Variants in SUMF1 observed in about 807,000 individuals in gnomAD.
SUMF1 encodes the protein sulfatase modifying factor 1.
Under a neutral mutation model 47.6 loss-of-function variants are expected in SUMF1, and 48 were observed. The ratio of observed to expected loss-of-function variants is 1.01; its 90% CI spans 0.80 to 1.28. The LOEUF (loss-of-function observed/expected upper bound fraction) is 1.28, where lower values mean the gene tolerates loss of function less well. SUMF1 is among the 50% of genes most tolerant of loss of function. The pLI is 0.00. For missense variants in SUMF1, 571 were observed against 485.4 expected (o/e 1.18, Z -1.66); for synonymous variants, 230 against 192.1 (o/e 1.20, Z -1.63).
chr3:4,451,649 A>G (rs2125130409), intron 2 of SUMF1, among the ~76,000 whole-genome samples: 1 of 152,324 alleles, frequency 6.6e-6, no homozygotes, highest in East Asian at 1.9e-4. Context: ...AACCAAAAGG[A>G]AAAGGACTTC....
intron 8 of SUMF1, among the ~76,000 whole-genome samples, chr3:4,156,392 A>G (rs917816108): frequency 4.0e-5 from 6 of 151,542 alleles, no homozygotes; most frequent in African/African-American, 1.2e-4. Flanking sequence ...CGTTATCTAT[A>G]TTTGCTAGAA....
rs575344494 is a variant in SUMF1, at chr3:4,177,929, T to A, written c.1015-109184A>T. ...TATAAACACCTCTACGCAAATAAAC[T>A]AGAAAATCTAGAAGAAATGGATAAA... is the stretch of plus-strand genomic sequence containing the variant. On this transcript the variant is annotated intron_variant and NMD_transcript_variant, in intron 8 of 12. Coordinates refer to the SUMF1 transcript ENST00000448413. Among the ~76,000 whole-genome samples, 57 of 152,174 alleles carry A rather than the reference T, an allele frequency of 3.7e-4. 2 individuals carry two copies. The South Asian group carries it at 0.012, about 31-fold the overall frequency.
intron 8 of SUMF1, among the ~76,000 whole-genome samples, chr3:4,253,292 C>T (rs145865584): frequency 0.046 from 7,016 of 152,276 alleles, 290 homozygotes; most frequent in African/African-American, 0.1. Context: ...CTCCGGTCTA[C>T]AGCTCCCAGC....
chr3:4,077,398 A>G (rs1692462889), intron 8 of SUMF1, among the ~76,000 whole-genome samples: 1 of 152,136 alleles, frequency 6.6e-6, no homozygotes. Context: ...AAAGACTTGG[A>G]ACCAACCCAA....
chr3:4,466,262 C>A (rs1331237106), intron 1 of SUMF1, among the ~76,000 whole-genome samples: 1 of 152,168 alleles, frequency 6.6e-6, no homozygotes, highest in Non-Finnish European at 1.5e-5. Context: ...CAGGCGCCCG[C>A]CACCACGCCC....
chr3:4,312,820 C>T, intron 8 of SUMF1: 4 of 1,498,982 alleles, frequency 2.7e-6, no homozygotes, highest in Non-Finnish European at 3.6e-6. Context: ...TAGAATGGGT[C>T]CCAGTCAGAA....
chr3:4,261,548 G>C (rs538113062), intron 8 of SUMF1, among the ~76,000 whole-genome samples: 1 of 152,192 alleles, frequency 6.6e-6, no homozygotes, highest in African/African-American at 2.4e-5. Flanking sequence ...ATAAGGATCT[G>C]TTATCCCAGG....
At chr3:4,206,333 C>T (rs1388258235) in intron 8 of SUMF1, among the ~76,000 whole-genome samples, 1 of 151,928 alleles carries the variant, frequency 6.6e-6, no homozygotes, top group Non-Finnish European at 1.5e-5. Flanking sequence ...AGAACTTGCT[C>T]AGGAATCACA....
intron 8 of SUMF1, among the ~76,000 whole-genome samples, chr3:4,152,132 C>G (rs1409129209): frequency 6.6e-6 from 1 of 151,496 alleles, no homozygotes; most frequent in Admixed American, 6.6e-5. Context: ...AAGCACTACA[C>G]TGGGGAAGGG....
rs1425367263 is a variant in SUMF1 at position 4,303,182 on chromosome 3, T to C, written c.1014+73148A>G. On this transcript the variant is annotated intron_variant and NMD_transcript_variant, in intron 8 of 12. Coordinates refer to the SUMF1 transcript ENST00000448413. Reference sequence around the variant, plus strand: ...TACATGGTTTTGTAATTATCTGTGGTGCCTCTGGCTGAAATCAAAACGGGA... The same window carrying C: ...TACATGGTTTTGTAATTATCTGTGGCGCCTCTGGCTGAAATCAAAACGGGA... The C allele has an allele frequency of 9.6e-6, 5 of 519,234 alleles. No individual in the cohort carries two copies. In the East Asian group the frequency reaches 1.4e-4, roughly 15 times the overall value. 32.2% of individuals were successfully genotyped at this position (519,234 alleles called of 1,614,324 possible). A position where few individuals can be genotyped will look rare whatever the true frequency, so the allele number is the denominator to read the frequency against.
rs548105915 is a variant in SUMF1 at position 4,370,177 on chromosome 3, T to A, written c.1014+6153A>T. ...GAAAGGCCTCTCTGAGAAGATCACA[T>A]GTGGGCTGAGTTGCCCAAAGATCTG... On this transcript the variant is annotated intron_variant, in intron 8 of 8. Transcript: ENST00000272902. Among the ~76,000 whole-genome samples the A allele has an allele frequency of 1.2e-4, 18 of 152,316 alleles. No homozygotes were observed. In the South Asian group the frequency reaches 3.7e-3, roughly 32 times the overall value.
chr3:4,419,899 T>G (rs6797887), intron 4 of SUMF1, among the ~76,000 whole-genome samples, 165 bp downstream of exon 4: 25 of 152,260 alleles, frequency 1.6e-4, no homozygotes, highest in African/African-American at 6.0e-4. Flanking sequence ...TGTTTGGGTC[T>G]TTACATACGT....
At chr3:4,244,392 G>C (rs576928948) in intron 8 of SUMF1, among the ~76,000 whole-genome samples, 2 of 152,306 alleles carry the variant, frequency 1.3e-5, no homozygotes, top group African/African-American at 4.8e-5. Context: ...GCAGTGGCTG[G>C]TATCAGTTGT....
intron 1 of SUMF1, among the ~76,000 whole-genome samples, chr3:4,457,065 T>TATACGTGTGTGTAC (rs1324007345): frequency 0.1 from 11,862 of 119,130 alleles, 2,600 homozygotes; most frequent in Non-Finnish European, 0.18. Context: ...TGTGTATATA[T>TATACGTGTGTGTAC]ATATATATAC....
intron 9 of SUMF1, among the ~76,000 whole-genome samples, chr3:4,065,605 C>T (rs576169614): frequency 6.6e-6 from 1 of 152,128 alleles, no homozygotes; most frequent in East Asian, 1.9e-4. Context: ...TAAAGCAGTG[C>T]TAATTCCTTA....
At chr3:4,421,350 G>T (rs754608514) in intron 3 of SUMF1, among the ~76,000 whole-genome samples, 70 of 152,246 alleles carry the variant, frequency 4.6e-4, no homozygotes, top group Middle Eastern at 3.4e-3. Flanking sequence ...TATGCCCTTA[G>T]CAACTGAGGT....
At chr3:4,186,748 C>T (rs921019097) in intron 8 of SUMF1, among the ~76,000 whole-genome samples, 36 of 151,996 alleles carry the variant, frequency 2.4e-4, no homozygotes, top group Admixed American at 6.6e-4. Flanking sequence ...TAAATATTGA[C>T]GAAAATTTTC....
At chr3:4,406,360 G>C (rs1415821130) in intron 7 of SUMF1, among the ~76,000 whole-genome samples, 1 of 152,042 alleles carries the variant, frequency 6.6e-6, no homozygotes, top group Non-Finnish European at 1.5e-5. Context: ...CAAAATTAGA[G>C]TTCTTTTCCT....
At chr3:4,141,570 G>C (rs1694071510) in intron 8 of SUMF1, among the ~76,000 whole-genome samples, 1 of 152,120 alleles carries the variant, frequency 6.6e-6, no homozygotes, top group Non-Finnish European at 1.5e-5. Flanking sequence ...GGCTGAAAAA[G>C]GAGGATTGCT....
Sources: allele counts gnomAD v4.1 joint callset (sites outside exome capture counted in the v4.1 genomes callset), GRCh38; gene constraint gnomAD v4.1.1; transcripts MANE v1.5; gene names NCBI Gene and HGNC (gene_info 2026-07-23, HGNC 2026-07-21).